Variants in NDST4 observed in about 807,000 individuals in gnomAD.
The protein encoded by NDST4 is N-deacetylase and N-sulfotransferase 4.
A neutral mutation model predicts 100.8 loss-of-function variants in NDST4; 63 were observed. That is an observed-to-expected ratio of 0.62 (90% CI 0.51 to 0.77). NDST4 has a LOEUF of 0.77. Ranked by LOEUF, NDST4 falls within the 30% of genes least tolerant of loss-of-function variation. NDST4 has a pLI of 0.00. For synonymous variants in NDST4, 377 were observed against 361.8 expected, an observed-to-expected ratio of 1.04 and a Z score of -0.48; for missense variants, 943 against 1,018.4, an observed-to-expected ratio of 0.93 and a Z score of 1.01.
intron 6 of NDST4, among the ~76,000 whole-genome samples, chr4:114,883,127 T>C (rs565339795): frequency 9.9e-5 from 15 of 152,150 alleles, no homozygotes; most frequent in Middle Eastern, 3.4e-3. Context: ...AAAAATGATA[T>C]AGTTCAAAAA....
intron 2 of NDST4, among the ~76,000 whole-genome samples, chr4:115,062,797 G>A (rs761774711): frequency 2.6e-5 from 4 of 151,886 alleles, no homozygotes; most frequent in Non-Finnish European, 4.4e-5. Context: ...CAACATTGGA[G>A]ATAGTAAGTA....
At chr4:114,916,219 T>C (rs1725164371) in intron 6 of NDST4, among the ~76,000 whole-genome samples, 1 of 152,164 alleles carries the variant, frequency 6.6e-6, no homozygotes, top group Non-Finnish European at 1.5e-5. Flanking sequence ...ATGGAATAGC[T>C]TGAATATTAA....
chr4:115,003,760 C>G (rs1211881430), intron 2 of NDST4, among the ~76,000 whole-genome samples: 1 of 151,428 alleles, frequency 6.6e-6, no homozygotes, highest in Non-Finnish European at 1.5e-5. Context: ...CCCAGCTACT[C>G]GGGAGGCTGA....
At chr4:114,872,071 T>A (rs542018522) in intron 6 of NDST4, among the ~76,000 whole-genome samples, 1 of 152,138 alleles carries the variant, frequency 6.6e-6, no homozygotes, top group East Asian at 1.9e-4. Flanking sequence ...TTGGTGTGGT[T>A]ATTTGGAAAT....
intron 6 of NDST4, among the ~76,000 whole-genome samples, chr4:114,873,288 A>T (rs1724188353): frequency 6.6e-6 from 1 of 151,720 alleles, no homozygotes; most frequent in African/African-American, 2.4e-5. Context: ...GTAGAAATTT[A>T]AGTTAAACCC....
At chr4:114,848,588 T>G (rs1240234853) in intron 8 of NDST4, among the ~76,000 whole-genome samples, 2 of 152,208 alleles carry the variant, frequency 1.3e-5, no homozygotes, top group African/African-American at 4.8e-5. Flanking sequence ...AGACTGATGA[T>G]GCAGCTAGTG....
At position 115,010,379 on chromosome 4, in the gene NDST4, C is replaced by T. The variant is rs1244122729; in HGVS notation, c.979-33105G>A. 2.3e-5 allele frequency among the ~76,000 whole-genome samples: 3 copies of T among 128,536 alleles called. 1 individual carries two copies. The highest frequency in any genetic ancestry group is 5.0e-5 in the Non-Finnish European group (3 of 60,096). The allele number at this position is 128,536 out of a possible 152,430, so 84.3% of individuals were successfully genotyped here. On this transcript the variant is annotated intron_variant, in intron 2 of 13. Coordinates refer to ENST00000264363, the MANE Select transcript of NDST4 (RefSeq NM_022569.3). ...CCATAAAAAAGGATGAGTTCATGTCCTCTGTAAGGACATGGATGAAATTTG... is the reference window on the plus strand; with the variant it reads ...CCATAAAAAAGGATGAGTTCATGTCTTCTGTAAGGACATGGATGAAATTTG...
At chr4:114,855,206 G>A (rs1723767273) in intron 7 of NDST4, among the ~76,000 whole-genome samples, 1 of 151,588 alleles carries the variant, frequency 6.6e-6, no homozygotes, top group Non-Finnish European at 1.5e-5. Flanking sequence ...ATGGGTAGTT[G>A]CAAATATTTT....
At chr4:115,036,309 C>T (rs1056074845) in intron 2 of NDST4, among the ~76,000 whole-genome samples, 38 of 151,104 alleles carry the variant, frequency 2.5e-4, no homozygotes, top group African/African-American at 8.2e-4. Context: ...ATTATTATAA[C>T]TAATCACTGG....
chr4:115,054,363 GGT>G (rs1191255326), intron 2 of NDST4, among the ~76,000 whole-genome samples: 1 of 151,832 alleles, frequency 6.6e-6, no homozygotes, highest in Non-Finnish European at 1.5e-5. Flanking sequence ...TTTATGACTT[GGT>G]GTATTTACTT....
At chr4:114,944,772 A>G (rs1162917106) in intron 4 of NDST4, among the ~76,000 whole-genome samples, 1 of 152,172 alleles carries the variant, frequency 6.6e-6, no homozygotes, top group Non-Finnish European at 1.5e-5. Context: ...CACATCTTTA[A>G]AAAAATGGGC....
chr4:115,110,872 A>G (rs1464187069), intron 1 of NDST4, among the ~76,000 whole-genome samples: 1 of 152,040 alleles, frequency 6.6e-6, no homozygotes, highest in East Asian at 1.9e-4. Context: ...GACTCTAAAC[A>G]TAATGCATTA....
chr4:114,996,721 T>C (rs1181555692), intron 2 of NDST4, among the ~76,000 whole-genome samples: 1 of 152,104 alleles, frequency 6.6e-6, no homozygotes, highest in Non-Finnish European at 1.5e-5. Context: ...AGAAGACCGA[T>C]ACTAAAAATT....
At position 114,992,893 on chromosome 4, in the gene NDST4, A is replaced by C. The variant is rs568011674; in HGVS notation, c.979-15619T>G. Reference sequence around the variant, plus strand: ...ACTCTAGCTCCTGGGTATAGGTGGCATCAACTACTCACTGATGGTCAGCTG... The same window carrying C: ...ACTCTAGCTCCTGGGTATAGGTGGCCTCAACTACTCACTGATGGTCAGCTG... On this transcript the variant is annotated intron_variant, in intron 2 of 13. Coordinates refer to ENST00000264363, the MANE Select transcript of NDST4 (RefSeq NM_022569.3). 2.6e-5 allele frequency among the ~76,000 whole-genome samples: 4 copies of C among 151,988 alleles called. No individual in the cohort carries two copies. In the South Asian group the frequency reaches 8.3e-4, roughly 31 times the overall value.
At chr4:115,080,420 A>C (rs1308752156) in intron 1 of NDST4, among the ~76,000 whole-genome samples, 1 of 152,170 alleles carries the variant, frequency 6.6e-6, no homozygotes, top group Non-Finnish European at 1.5e-5. Context: ...TGCAGGCATG[A>C]GTGACTACGC....
intron 2 of NDST4, among the ~76,000 whole-genome samples, chr4:114,989,109 G>A (rs1045586038): frequency 6.6e-6 from 1 of 152,130 alleles, no homozygotes; most frequent in African/African-American, 2.4e-5. Context: ...TAACAAAGTA[G>A]GTGACATAAT....
intron 6 of NDST4, among the ~76,000 whole-genome samples, chr4:114,894,486 A>G (rs1320849958): frequency 6.6e-6 from 1 of 151,994 alleles, no homozygotes; most frequent in African/African-American, 2.4e-5. Flanking sequence ...TAGGTATTTT[A>G]TTCTCTTTGT....
intron 7 of NDST4, among the ~76,000 whole-genome samples, chr4:114,856,383 A>T (rs560909923): frequency 2.6e-5 from 4 of 152,218 alleles, no homozygotes; most frequent in Non-Finnish European, 5.9e-5. Context: ...TTCAGCTCTA[A>T]TTTTTTTAAT....
chr4:114,938,953 G>C lies in NDST4; in HGVS notation c.1222-1450C>G, dbSNP rs115874543. On this transcript the variant is annotated intron_variant, in intron 4 of 13. Transcript: ENST00000264363. ...GACACTGGGGAGAATTTCATTTCTT[G>C]ATCTGTGCAGAAGAAAAATACTTCT... 3.5e-3 allele frequency among the ~76,000 whole-genome samples: 539 copies of C among 152,256 alleles called. 4 individuals carry two copies. Among genetic ancestry groups the C allele is most frequent in the African/African-American group, 0.012 (491 of 41,560 alleles).
Sources: gnomAD v4.1 joint callset for allele counts (sites outside exome capture counted in the v4.1 genomes callset) on GRCh38, gnomAD v4.1.1 for gene constraint, MANE v1.5 for transcripts, NCBI Gene and HGNC (gene_info 2026-07-23, HGNC 2026-07-21) for gene names.